The following NTNG1 variants were observed in gnomAD, a reference collection of about 807,000 sequenced individuals.
The protein encoded by NTNG1 is netrin-G1.
NTNG1 carries 16 observed loss-of-function variants against 54.0 expected under a neutral mutation model. That is an observed-to-expected ratio of 0.30 (90% confidence interval 0.20 to 0.45). The LOEUF (loss-of-function observed/expected upper bound fraction) is 0.45, where lower values mean the gene tolerates loss of function less well. Among genes scored for constraint, NTNG1 ranks in the 20% least tolerant of loss-of-function variants. The pLI is 1.00. For synonymous variants in NTNG1, 255 were observed against 263.1 expected (o/e 0.97, Z 0.30); for missense variants, 530 against 678.7 (o/e 0.78, Z 2.43).
intron 2 of NTNG1, among the ~76,000 whole-genome samples, chr1:107,222,894 T>C (rs1240584677): frequency 1.3e-5 from 2 of 151,584 alleles, no homozygotes; most frequent in African/African-American, 4.9e-5. Flanking sequence ...GTTATATGTT[T>C]AGTAGCAAGC....
chr1:107,421,116 T>C (rs1258362177), intron 5 of NTNG1: 1 of 1,610,114 alleles, frequency 6.2e-7, no homozygotes, highest in Non-Finnish European at 8.5e-7. Flanking sequence ...AACAGTTTCT[T>C]CTGTTCAAGT....
chr1:107,218,205 T>C (rs1239831025), intron 2 of NTNG1, among the ~76,000 whole-genome samples: 1 of 152,222 alleles, frequency 6.6e-6, no homozygotes, highest in Non-Finnish European at 1.5e-5. Flanking sequence ...TTATGTAATG[T>C]TCCTGTTTGT....
At chr1:107,471,643 C>A (rs776651899) in intron 7 of NTNG1, among the ~76,000 whole-genome samples, 27 of 152,122 alleles carry the variant, frequency 1.8e-4, no homozygotes, top group Admixed American at 5.9e-4. Flanking sequence ...CCTAAGGTGA[C>A]CTTGCAAGGC....
intron 3 of NTNG1, among the ~76,000 whole-genome samples, chr1:107,358,359 AT>A (rs202227324): frequency 0.018 from 2,557 of 144,892 alleles, 29 homozygotes; most frequent in Middle Eastern, 0.039. Context: ...ATAGTACTTA[AT>A]TTTTTTTTTT....
intron 3 of NTNG1, among the ~76,000 whole-genome samples, chr1:107,336,497 G>A: frequency 6.6e-6 from 1 of 151,782 alleles, no homozygotes; most frequent in East Asian, 1.9e-4. Flanking sequence ...AGACCTAAAT[G>A]TAAGAGCTAA....
At chr1:107,221,525 T>C (rs1015992576) in intron 2 of NTNG1, among the ~76,000 whole-genome samples, 1 of 152,138 alleles carries the variant, frequency 6.6e-6, no homozygotes, top group African/African-American at 2.4e-5. Context: ...TTTCCTGACA[T>C]TTCCTACCAA....
Position 107,179,261 on chromosome 1 carries a change from G to C in NTNG1, c.246+30422G>C, listed in dbSNP as rs1436511092. Among the ~76,000 whole-genome samples the C allele has an allele frequency of 2.0e-5, 3 of 152,210 alleles. No homozygotes were observed. The East Asian group carries it at 5.8e-4, about 29-fold the overall frequency. ...TTTATTATTATGCTGGAACTTGGTGGATCTACCCAATCCAAAAGACTTAAA... is the reference window on the plus strand; with the variant it reads ...TTTATTATTATGCTGGAACTTGGTGCATCTACCCAATCCAAAAGACTTAAA... On this transcript the variant is annotated intron_variant, in intron 2 of 7. Transcript: ENST00000370068.
At chr1:107,318,734 C>G (rs1667478108) in intron 2 of NTNG1, among the ~76,000 whole-genome samples, 1 of 152,100 alleles carries the variant, frequency 6.6e-6, no homozygotes, top group African/African-American at 2.4e-5. Context: ...AATGGGGGGT[C>G]TTGGAACATT....
chr1:107,415,914 C>T (rs539262), intron 5 of NTNG1, among the ~76,000 whole-genome samples: 147,158 of 152,232 alleles, frequency 0.97, 71,313 homozygotes, highest in East Asian at 1. Flanking sequence ...TAATATTTGT[C>T]GAGCATTTAC....
At chr1:107,317,351 A>T (rs1219721572) in intron 2 of NTNG1, among the ~76,000 whole-genome samples, 1 of 152,288 alleles carries the variant, frequency 6.6e-6, no homozygotes, top group African/African-American at 2.4e-5. Context: ...TACTCTATGA[A>T]ACCCTTATTA....
chr1:107,148,555 T>C lies in NTNG1; in HGVS notation c.-39T>C. The C allele has an allele frequency of 6.3e-7, 1 of 1,599,062 alleles. No homozygotes were observed. Among genetic ancestry groups the C allele is most frequent in the Non-Finnish European group, 8.6e-7 (1 of 1,167,898 alleles). On this transcript the variant is annotated 5_prime_UTR_variant, in exon 2 of 8. Coordinates refer to ENST00000370068, the MANE Select transcript of NTNG1 (RefSeq NM_001113226.3). Reference sequence around the variant, plus strand: ...AAAGATCGCAGATCATAAAGCAAGCTCTGCTTTAGTTTCCAAGAAGATTAC... The same window carrying C: ...AAAGATCGCAGATCATAAAGCAAGCCCTGCTTTAGTTTCCAAGAAGATTAC...
At chr1:107,352,147 G>C (rs1351333713) in intron 3 of NTNG1, among the ~76,000 whole-genome samples, 1 of 152,238 alleles carries the variant, frequency 6.6e-6, no homozygotes, top group Non-Finnish European at 1.5e-5. Context: ...GTTGATGGGA[G>C]CAAGCTGTTG....
At chr1:107,479,934 A>G (rs527786288) in intron 7 of NTNG1, among the ~76,000 whole-genome samples, 1 of 152,304 alleles carries the variant, frequency 6.6e-6, no homozygotes, top group East Asian at 1.9e-4. Context: ...TATACTTCCC[A>G]TATTTACAAG....
At chr1:107,313,650 C>G (rs1025777541) in intron 2 of NTNG1, among the ~76,000 whole-genome samples, 1 of 151,730 alleles carries the variant, frequency 6.6e-6, no homozygotes, top group Non-Finnish European at 1.5e-5. Context: ...GGAAAACAGG[C>G]AAAACAAAGT....
intron 2 of NTNG1, among the ~76,000 whole-genome samples, chr1:107,220,442 A>G (rs1660265743): frequency 6.6e-6 from 1 of 152,184 alleles, no homozygotes; most frequent in Non-Finnish European, 1.5e-5. Context: ...GCTGCAAGTT[A>G]GTCTTGCCTT....
chr1:107,292,742 G>A (rs944154179), intron 2 of NTNG1, among the ~76,000 whole-genome samples: 13 of 152,068 alleles, frequency 8.5e-5, no homozygotes, highest in African/African-American at 3.1e-4. Context: ...GTGCTAGCAG[G>A]CCACTGTGCA....
chr1:107,259,304 C>A (rs931107454), intron 2 of NTNG1, among the ~76,000 whole-genome samples: 2 of 152,040 alleles, frequency 1.3e-5, no homozygotes, highest in Non-Finnish European at 2.9e-5. Flanking sequence ...AAAGTGCCCA[C>A]TAGATCAAGG....
intron 2 of NTNG1, among the ~76,000 whole-genome samples, chr1:107,191,551 A>G (rs1220514144): frequency 2.0e-5 from 3 of 152,070 alleles, no homozygotes; most frequent in Non-Finnish European, 4.4e-5. Flanking sequence ...TAGGGTTTTT[A>G]TGGTTTTAGG....
chr1:107,413,605 C>T (rs1201043481), intron 5 of NTNG1, among the ~76,000 whole-genome samples: 1 of 152,124 alleles, frequency 6.6e-6, no homozygotes, highest in African/African-American at 2.4e-5. Context: ...TCACTAACAT[C>T]CTCACAGCAG....
Sources: gnomAD v4.1 joint callset for allele counts (sites outside exome capture counted in the v4.1 genomes callset) on GRCh38, gnomAD v4.1.1 for gene constraint, MANE v1.5 for transcripts, NCBI Gene and HGNC (gene_info 2026-07-23, HGNC 2026-07-21) for gene names.